STIM2: variants seen among roughly 807,000 people sequenced by gnomAD.
STIM2 encodes the protein stromal interaction molecule 2.
In STIM2, 31 loss-of-function variants were observed where a neutral mutation model predicts 85.8. That is an observed-to-expected ratio of 0.36 (90% CI 0.27 to 0.49). STIM2 has a LOEUF of 0.49. Among genes scored for constraint, STIM2 ranks in the 20% least tolerant of loss-of-function variants. The pLI, the probability that STIM2 is intolerant of heterozygous loss-of-function variation, is 0.98. For missense variants in STIM2, 841 were observed against 927.6 expected (o/e 0.91, Z 1.21); for synonymous variants, 356 against 331.1 (o/e 1.08, Z -0.82).
At chr4:27,022,374 AT>A (rs1405607303) in intron 11 of STIM2, 144 bp from the exon 12 acceptor site, 3 of 586,884 alleles carry the variant, frequency 5.1e-6, no homozygotes, top group Non-Finnish European at 8.6e-6. Context: ...TAATGTTCTA[AT>A]TTTGCTGAAA....
Position 26,894,270 on chromosome 4 carries a change from G to GTA in STIM2, c.152-25233_152-25232insAT, listed in dbSNP as rs199889949. ...GCCTTGTCTTTTTATATACTTATGT[G>GTA]TGTATATATATATATGGTGTATTAA... On this transcript the variant is annotated intron_variant, in intron 1 of 11. Coordinates refer to ENST00000467087, the MANE Select transcript of STIM2 (RefSeq NM_020860.4). Among the ~76,000 whole-genome samples, 444 of 151,258 alleles carry GTA rather than the reference G, an allele frequency of 2.9e-3. 11 individuals carry two copies. The East Asian group carries it at 0.065, about 22-fold the overall frequency.
chr4:26,982,390 C>T (rs1277818148), intron 3 of STIM2, among the ~76,000 whole-genome samples: 5 of 152,058 alleles, frequency 3.3e-5, no homozygotes, highest in African/African-American at 1.2e-4. Flanking sequence ...AATGGGAGGC[C>T]TTTCTAACTG....
intron 7 of STIM2, among the ~76,000 whole-genome samples, chr4:27,004,940 C>CAAATATCA (rs1459357772): frequency 6.6e-6 from 1 of 152,194 alleles, no homozygotes; most frequent in African/African-American, 2.4e-5. Context: ...GTATTATCTT[C>CAAATATCA]ATTTACAAAT....
rs1728186521 is a variant in STIM2, at chr4:27,002,403, A to C, written c.803+9A>C. ...ATGGACTTACAGGAGAGGTAAGTTC[A>C]GAAAAATCATAACTCATTTATGTAG... On this transcript the variant is annotated intron_variant, in intron 6 of 11. Transcript: ENST00000467087. The C allele has an allele frequency of 6.3e-7, 1 of 1,582,588 alleles. No individual in the cohort carries two copies. Among genetic ancestry groups the C allele is most frequent in the African/African-American group, 1.4e-5 (1 of 72,976 alleles).
At chr4:26,908,909 T>A (rs1476061120) in intron 1 of STIM2, among the ~76,000 whole-genome samples, 2 of 152,226 alleles carry the variant, frequency 1.3e-5, no homozygotes, top group Non-Finnish European at 2.9e-5. Context: ...ATTTTCATTC[T>A]AAATGAAAGA....
chr4:26,973,014 T>A (rs1727023495), intron 3 of STIM2, among the ~76,000 whole-genome samples: 2 of 152,230 alleles, frequency 1.3e-5, no homozygotes, highest in South Asian at 4.1e-4. Flanking sequence ...CTAGATTTTC[T>A]AGTTTATTTG....
chr4:26,941,105 TCTTTA>T (rs747485614), intron 2 of STIM2, among the ~76,000 whole-genome samples: 14 of 152,180 alleles, frequency 9.2e-5, no homozygotes, highest in East Asian at 1.9e-4. Context: ...CTTTGTGTGC[TCTTTA>T]CTTTAACCAA....
chr4:26,875,546 T>C (rs1396452987), intron 1 of STIM2, among the ~76,000 whole-genome samples: 1 of 152,154 alleles, frequency 6.6e-6, no homozygotes. Context: ...GAAGCCTGTA[T>C]GTGTCTCAGG....
In STIM2 at chr4:26,943,687, A is replaced by C. The variant is rs80027515; in HGVS notation, c.283-13925A>C. Among the ~76,000 whole-genome samples the C allele has an allele frequency of 2.0e-3, 302 of 151,598 alleles. 3 individuals carry two copies. The highest frequency in any genetic ancestry group is 6.9e-3 in the African/African-American group (287 of 41,366). On this transcript the variant is annotated intron_variant, in intron 2 of 11. Transcript: ENST00000467087. ...CAGCGCTCCGTTAGTCATTGTTTCT[A>C]TGTCTTCTCAGTGGATGGGGCTAAG... is the stretch of plus-strand genomic sequence containing the variant.
At chr4:26,967,915 T>G (rs1726788393) in intron 3 of STIM2, among the ~76,000 whole-genome samples, 1 of 152,104 alleles carries the variant, frequency 6.6e-6, no homozygotes, top group South Asian at 2.1e-4. Context: ...AAAAAACCCA[T>G]TAGATTTGGC....
intron 2 of STIM2, among the ~76,000 whole-genome samples, chr4:26,928,628 C>T (rs913958034): frequency 3.9e-5 from 6 of 152,080 alleles, no homozygotes; most frequent in Admixed American, 3.9e-4. Context: ...CCTGCCTCGG[C>T]CTCCCAAAGT....
chr4:26,890,652 G>A (rs913692209), intron 1 of STIM2, among the ~76,000 whole-genome samples: 9 of 151,726 alleles, frequency 5.9e-5, no homozygotes, highest in East Asian at 1.9e-4. Context: ...TTGAAACCCC[G>A]TCTCTACTAA....
chr4:26,873,425 A>G (rs1722702564), intron 1 of STIM2: 1 of 171,946 alleles, frequency 5.8e-6, no homozygotes, highest in African/African-American at 2.4e-5. Context: ...AGTCCTTTCC[A>G]TTCTCATCGC....
intron 1 of STIM2, among the ~76,000 whole-genome samples, chr4:26,882,092 G>A (rs1003909324): frequency 1.3e-5 from 2 of 152,126 alleles, no homozygotes; most frequent in African/African-American, 4.8e-5. Flanking sequence ...ATTATTTAGA[G>A]TATGATTGGT....
At chr4:27,007,490 C>T (rs1229994949) in intron 7 of STIM2, 43 bp from the exon 8 acceptor site, 8 of 1,323,342 alleles carry the variant, frequency 6.0e-6, no homozygotes, top group African/African-American at 1.5e-5. Context: ...ATCCTTCCTT[C>T]CTCCCTCTCT....
intron 3 of STIM2, among the ~76,000 whole-genome samples, chr4:26,994,060 A>G (rs886464602): frequency 3.3e-5 from 5 of 152,198 alleles, no homozygotes; most frequent in East Asian, 1.9e-4. Context: ...TCTAGAATCT[A>G]TTAATAGCTG....
intron 1 of STIM2, among the ~76,000 whole-genome samples, chr4:26,914,038 C>G (rs1205849360): frequency 6.6e-6 from 1 of 152,164 alleles, no homozygotes; most frequent in Non-Finnish European, 1.5e-5. Context: ...AGGAGTTAAC[C>G]AACCATGGAT....
chr4:26,933,743 A>AC (rs1308734056), intron 2 of STIM2, among the ~76,000 whole-genome samples: 5 of 151,338 alleles, frequency 3.3e-5, no homozygotes, highest in African/African-American at 1.2e-4. Flanking sequence ...CAAAAAAAAA[A>AC]AAAAAAAAAA....
At chr4:26,929,506 G>A (rs867411090) in intron 2 of STIM2, among the ~76,000 whole-genome samples, 4 of 152,014 alleles carry the variant, frequency 2.6e-5, no homozygotes, top group Non-Finnish European at 4.4e-5. Context: ...TTAATTTCTT[G>A]TGATTTTAGC....
Sources: gnomAD v4.1 joint callset for allele counts (sites outside exome capture counted in the v4.1 genomes callset) on GRCh38, gnomAD v4.1.1 for gene constraint, MANE v1.5 for transcripts, NCBI Gene and HGNC (gene_info 2026-07-23, HGNC 2026-07-21) for gene names.